The following ARL10 variants were observed in gnomAD, a reference collection of about 807,000 sequenced individuals.
ARL10 encodes the protein ADP-ribosylation factor-like protein 10.
In ARL10, 23 loss-of-function variants were observed where a neutral mutation model predicts 26.1. The observed-to-expected ratio is 0.88, with a 90% CI of 0.63 to 1.25. The LOEUF (loss-of-function observed/expected upper bound fraction) is 1.25. Ranked by LOEUF, ARL10 falls within the 50% of genes most tolerant of loss-of-function variation. The pLI is 0.00. For synonymous variants in ARL10, 138 were observed against 149.1 expected, an observed-to-expected ratio of 0.93 and a Z score of 0.54; for missense variants, 300 against 323.6, an observed-to-expected ratio of 0.93 and a Z score of 0.56.
At chr5:176,407,365 T>G in the ARL10 span, among the ~76,000 whole-genome samples, 1 of 152,200 alleles carries the variant, frequency 6.6e-6, no homozygotes, top group Non-Finnish European at 1.5e-5. Context: ...GAGTGCAGTG[T>G]GCGATCTCAG....
At chr5:176,390,113 C>T (rs1258739474), downstream of ARL10, among the ~76,000 whole-genome samples, 1 of 134,820 alleles carries the variant, frequency 7.4e-6, no homozygotes, top group Non-Finnish European at 1.5e-5. Context: ...ACCCGGGAGG[C>T]GGAGGTTGTG....
In ARL10 at chr5:176,375,208, TCATCCACC is replaced by T. The variant is rs1487031780; in HGVS notation, c.*3328_*3335del. 5 of 28,360 alleles carry T rather than the reference TCATCCACC, an allele frequency of 1.8e-4. No individual in the cohort carries two copies. The Admixed American group carries it at 2.4e-3, about 13-fold the overall frequency. The allele number at this position is 28,360 out of a possible 1,614,324, so 1.8% of individuals were successfully genotyped here. A position where few individuals can be genotyped will look rare whatever the true frequency, so the allele number is the denominator to read the frequency against. ...TCCACCCATCCATCCATCCATCCAC[TCATCCACC>T]CATCCACCCATCCATCCATCCATCC... On this transcript the variant is annotated 3_prime_UTR_variant, in exon 4 of 4. Coordinates refer to ENST00000310389, the MANE Select transcript of ARL10 (RefSeq NM_173664.6).
chr5:176,388,662 T>C (rs934009397), downstream of ARL10: 5 of 1,324,592 alleles, frequency 3.8e-6, no homozygotes, highest in Non-Finnish European at 4.2e-6. Context: ...GTAGTCCTTT[T>C]GTAGCACTAC....
rs70991543 is a variant in ARL10, at chr5:176,375,255, T to TCCATCCAC, written c.*3376_*3383dup. The TCCATCCAC allele has an allele frequency of 2.2e-5, 3 of 134,022 alleles. 1 individual carries two copies. Among genetic ancestry groups the TCCATCCAC allele is most frequent in the African/African-American group, 5.8e-5 (2 of 34,482 alleles). 8.3% of individuals were successfully genotyped at this position (134,022 alleles called of 1,614,324 possible). ...ATCCATCCATCCATCCATCCTTCCA[T>TCCATCCAC]CCATCCACCCATCCACCCATCCATC... On this transcript the variant is annotated 3_prime_UTR_variant, in exon 4 of 4. Coordinates refer to ENST00000310389, the MANE Select transcript of ARL10 (RefSeq NM_173664.6).
At chr5:176,404,049 CCAG>C (rs1440269518), downstream of ARL10, among the ~76,000 whole-genome samples, 2 of 152,196 alleles carry the variant, frequency 1.3e-5, no homozygotes, top group Admixed American at 1.3e-4. Context: ...GCCACCACAC[CCAG>C]CCAAGTTTTA....
chr5:176,373,458 G>T lies in ARL10; in HGVS notation c.*1563G>T. The T allele has an allele frequency of 6.1e-6, 1 of 164,188 alleles. No individual in the cohort carries two copies. Among genetic ancestry groups the T allele is most frequent in the Non-Finnish European group, 1.3e-5 (1 of 76,208 alleles). 10.2% of individuals were successfully genotyped at this position (164,188 alleles called of 1,614,324 possible). A position where few individuals can be genotyped will look rare whatever the true frequency, so the allele number is the denominator to read the frequency against. The stretch of plus-strand genomic sequence containing the variant: ...TAAGAGGAGCTGTGCACCTCAATTT[G>T]CTGTCTAGTTGAGAATAGAGATTGT... On this transcript the variant is annotated 3_prime_UTR_variant, in exon 4 of 4. Coordinates refer to ENST00000310389, the MANE Select transcript of ARL10 (RefSeq NM_173664.6).
chr5:176,396,366 A>G, intron 1 of ARL10: 1 of 986,330 alleles, frequency 1.0e-6, no homozygotes. Flanking sequence ...TGTTCTGACC[A>G]TTGCTCCGAG....
At chr5:176,390,696 C>T (rs1406192838), downstream of ARL10, among the ~76,000 whole-genome samples, 3 of 152,264 alleles carry the variant, frequency 2.0e-5, no homozygotes, top group Middle Eastern at 3.4e-3. Context: ...ATCCCCCAAC[C>T]TCGGCCTCCC....
intron 1 of ARL10, 32 bp from the exon 2 acceptor site, chr5:176,366,348 C>T (rs760582359): frequency 7.0e-6 from 11 of 1,581,198 alleles, no homozygotes; most frequent in South Asian, 1.1e-5. Context: ...CGGGAGGCCG[C>T]CAGCCGCAAC....
In ARL10 at chr5:176,373,511, C is replaced by CA. The variant is rs1265924093; in HGVS notation, c.*1617dup. 1 of 153,034 alleles carries CA rather than the reference C, an allele frequency of 6.5e-6. No individual in the cohort carries two copies. The highest frequency in any genetic ancestry group is 2.4e-5 in the African/African-American group (1 of 41,398). The allele number at this position is 153,034 out of a possible 1,614,324, so 9.5% of individuals were successfully genotyped here. On this transcript the variant is annotated 3_prime_UTR_variant, in exon 4 of 4. Coordinates refer to ENST00000310389, the MANE Select transcript of ARL10 (RefSeq NM_173664.6). ...GCCTTCATTTCATTTGACATTTACC[C>CA]AGCATGCCTCAGTTCCACACCGTGA... is the stretch of plus-strand genomic sequence containing the variant.
At chr5:176,412,971 C>A in the ARL10 span, among the ~76,000 whole-genome samples, 1 of 151,338 alleles carries the variant, frequency 6.6e-6, no homozygotes, top group African/African-American at 2.4e-5. Flanking sequence ...CCGCCCTGAC[C>A]AACCCCAGTC....
chr5:176,388,800 CCTG>C (rs778480720), downstream of ARL10: 3 of 1,607,306 alleles, frequency 1.9e-6, no homozygotes, highest in Non-Finnish European at 2.5e-6. Flanking sequence ...CCGATTTTCT[CCTG>C]CTGCTGTGGC....
At chr5:176,384,229 A>G (rs1421211617), downstream of ARL10, 1 of 1,614,046 alleles carries the variant, frequency 6.2e-7, no homozygotes, top group African/African-American at 1.3e-5. Context: ...GATGTAAACC[A>G]GTCACTCCAC....
At chr5:176,388,814 C>T, downstream of ARL10, 1 of 1,612,336 alleles carries the variant, frequency 6.2e-7, no homozygotes, top group African/African-American at 1.3e-5. Context: ...CTGCTGTGGC[C>T]CGGACATGGC....
At chr5:176,389,236 C>A, downstream of ARL10, 1 of 1,425,390 alleles carries the variant, frequency 7.0e-7, no homozygotes, top group South Asian at 1.3e-5. Flanking sequence ...CCGCTGTGAT[C>A]CAGAGATCTT....
chr5:176,388,413 C>A (rs1756069472), exon 2 of ARL10: 2 of 1,613,688 alleles, frequency 1.2e-6, no homozygotes, highest in South Asian at 1.1e-5. Flanking sequence ...CACGGCCACC[C>A]GGAACCCCAG....
At chr5:176,412,163 G>C in the ARL10 span, among the ~76,000 whole-genome samples, 2 of 141,232 alleles carry the variant, frequency 1.4e-5, no homozygotes, top group Non-Finnish European at 3.0e-5. Flanking sequence ...GCGACAGAGT[G>C]AGACTCATCT....
At chr5:176,387,600 G>C (rs980186735) in intron 1 of ARL10, among the ~76,000 whole-genome samples, 1 of 149,636 alleles carries the variant, frequency 6.7e-6, no homozygotes, top group Non-Finnish European at 1.5e-5. Flanking sequence ...CCATTTTATA[G>C]ATAGGCAGGC....
the ARL10 span, among the ~76,000 whole-genome samples, chr5:176,414,047 C>T: frequency 6.6e-6 from 1 of 152,220 alleles, no homozygotes; most frequent in Admixed American, 6.5e-5. Flanking sequence ...TGGGAGAGGC[C>T]ACAACCTGCT....
Sources: gnomAD v4.1 joint callset for allele counts (sites outside exome capture counted in the v4.1 genomes callset) on GRCh38, gnomAD v4.1.1 for gene constraint, MANE v1.5 for transcripts, NCBI Gene and HGNC (gene_info 2026-07-23, HGNC 2026-07-21) for gene names.